Variants in HECA observed in about 807,000 individuals in gnomAD.
HECA encodes headcase protein homolog.
A neutral mutation model predicts 37.6 loss-of-function variants in HECA; 13 were observed. The observed-to-expected ratio is 0.35, with a 90% CI of 0.23 to 0.55. The LOEUF is 0.55. Ranked by LOEUF, HECA falls within the 20% of genes least tolerant of loss-of-function variation. HECA has a pLI of 0.90. For missense variants in HECA, 527 were observed against 701.9 expected (o/e 0.75, Z 2.82); for synonymous variants, 307 against 291.5 (o/e 1.05, Z -0.54).
At position 139,153,884 on chromosome 6, in the gene HECA, AG is replaced by A. The variant is rs565966610; in HGVS notation, c.272-12399del. ...CATATAAACTTTTAAATTTTTATTA[AG>A]ATGGACTTCTGAGATGGCAGAGTAA... On this transcript the variant is annotated intron_variant, in intron 1 of 3. Coordinates refer to ENST00000367658, the MANE Select transcript of HECA (RefSeq NM_016217.3). Among the ~76,000 whole-genome samples the A allele has an allele frequency of 6.6e-4, 101 of 152,336 alleles. 2 individuals carry two copies. The South Asian group carries it at 0.02, about 30-fold the overall frequency.
At chr6:139,171,485 A>G (rs1321123356) in intron 2 of HECA, among the ~76,000 whole-genome samples, 4 of 152,244 alleles carry the variant, frequency 2.6e-5, no homozygotes, top group African/African-American at 9.6e-5. Flanking sequence ...TATCATTGCC[A>G]CAAGTGAGGC....
intron 1 of HECA, chr6:139,153,302 G>C (rs1296909168): frequency 2.0e-5 from 3 of 152,078 alleles, no homozygotes; most frequent in African/African-American, 7.2e-5. Context: ...GTTTTCTAAA[G>C]ACTTAAATAG....
intron 2 of HECA, among the ~76,000 whole-genome samples, chr6:139,173,123 C>CA (rs1184059354): frequency 2.0e-5 from 3 of 152,168 alleles, no homozygotes; most frequent in African/African-American, 7.2e-5. Flanking sequence ...GCCCCGAGGC[C>CA]AGAGTAGATG....
At position 139,180,589 on chromosome 6, in the gene HECA, T is replaced by A. The variant is rs140033879; in HGVS notation, c.*3484T>A. The A allele has an allele frequency of 6.5e-6, 1 of 152,752 alleles. No homozygotes were observed. The highest frequency in any genetic ancestry group is 1.9e-4 in the East Asian group (1 of 5,182). 9.5% of individuals were successfully genotyped at this position (152,752 alleles called of 1,614,324 possible). A position where few individuals can be genotyped will look rare whatever the true frequency, so the allele number is the denominator to read the frequency against. The stretch of plus-strand genomic sequence containing the variant: ...GGTAATTGAAAGAAAATATAATGGA[T>A]GGGCTCCATTAAAACCAGCTCAAAA... On this transcript the variant is annotated 3_prime_UTR_variant, in exon 4 of 4. Transcript: ENST00000367658.
At chr6:139,155,069 C>A (rs1163395812) in intron 1 of HECA, among the ~76,000 whole-genome samples, 1 of 152,178 alleles carries the variant, frequency 6.6e-6, no homozygotes, top group Non-Finnish European at 1.5e-5. Context: ...GCGATTTCAT[C>A]ATCAGGCGTA....
intron 1 of HECA, among the ~76,000 whole-genome samples, chr6:139,157,721 T>C (rs1014527331): frequency 6.6e-5 from 10 of 152,116 alleles, no homozygotes; most frequent in Admixed American, 2.0e-4. Context: ...TAGAGGGCTG[T>C]AGAGAGTGGG....
intron 1 of HECA, among the ~76,000 whole-genome samples, chr6:139,143,960 T>C (rs564966929): frequency 6.6e-6 from 1 of 152,100 alleles, no homozygotes; most frequent in East Asian, 1.9e-4. Context: ...TGGCAAAATA[T>C]TGGGTTAAAT....
chr6:139,141,919 A>ATTT (rs11345845), intron 1 of HECA, among the ~76,000 whole-genome samples: 2 of 48,750 alleles, frequency 4.1e-5, no homozygotes, highest in Non-Finnish European at 7.4e-5. Context: ...TGCCCAGCTA[A>ATTT]TTTTTTTTTT....
chr6:139,163,947 A>G (rs1234655485), intron 1 of HECA, among the ~76,000 whole-genome samples: 1 of 152,102 alleles, frequency 6.6e-6, no homozygotes, highest in Non-Finnish European at 1.5e-5. Flanking sequence ...AGTGGTACAC[A>G]GGCACTTCTA....
chr6:139,137,010 C>T (rs1413118809), intron 1 of HECA, among the ~76,000 whole-genome samples: 5 of 152,150 alleles, frequency 3.3e-5, no homozygotes, highest in African/African-American at 1.2e-4. Flanking sequence ...GGCTGAATGT[C>T]GCCTGTTAGA....
Position 139,176,936 on chromosome 6 carries a change from C to T in HECA, c.1468-5C>T, listed in dbSNP as rs747800826. 8.1e-6 allele frequency: 7 copies of T among 868,982 alleles called. No homozygotes were observed. The highest frequency in any genetic ancestry group is 1.3e-5 in the South Asian group (1 of 76,270). 53.8% of individuals were successfully genotyped at this position (868,982 alleles called of 1,614,324 possible). A position where few individuals can be genotyped will look rare whatever the true frequency, so the allele number is the denominator to read the frequency against. ...GTTGTGGCTGATGGTGTCTGTTTCC[C>T]CCAGGCCCGCCTGAACTGTAAGCAC... On this transcript the variant is annotated splice_region_variant and splice_polypyrimidine_tract_variant and intron_variant, in intron 3 of 3. Coordinates refer to ENST00000367658, the MANE Select transcript of HECA (RefSeq NM_016217.3). The surrounding 1 kb of genome is among the most constrained non-coding windows in gnomAD (Gnocchi z 4.5).
intron 1 of HECA, among the ~76,000 whole-genome samples, chr6:139,159,653 A>G (rs980980649): frequency 1.3e-5 from 2 of 152,076 alleles, no homozygotes; most frequent in Non-Finnish European, 2.9e-5. Context: ...CCCTCTCTCT[A>G]TTACTGTGGT....
At chr6:139,163,975 T>C (rs542515226) in intron 1 of HECA, among the ~76,000 whole-genome samples, 1 of 152,178 alleles carries the variant, frequency 6.6e-6, no homozygotes, top group Non-Finnish European at 1.5e-5. Context: ...GGGTCCTAAA[T>C]AGGGCAGCCC....
chr6:139,149,596 C>T (rs1190712897), intron 1 of HECA, among the ~76,000 whole-genome samples: 4 of 152,134 alleles, frequency 2.6e-5, no homozygotes, highest in African/African-American at 9.7e-5. Context: ...CAGTGAATGC[C>T]GGTCTTCCAA....
intron 1 of HECA, among the ~76,000 whole-genome samples, chr6:139,162,952 C>T (rs1489086367): frequency 1.3e-5 from 2 of 152,198 alleles, no homozygotes; most frequent in Non-Finnish European, 2.9e-5. Flanking sequence ...TTTCCCTGCC[C>T]TACAGTTACC....
chr6:139,138,939 A>G (rs896601833), intron 1 of HECA, among the ~76,000 whole-genome samples: 6 of 152,246 alleles, frequency 3.9e-5, no homozygotes, highest in African/African-American at 1.4e-4. Context: ...TTTAGAATCT[A>G]GTTATCAAAA....
intron 1 of HECA, among the ~76,000 whole-genome samples, chr6:139,164,216 CT>C (rs1218978052): frequency 5.3e-5 from 8 of 152,184 alleles, no homozygotes; most frequent in Non-Finnish European, 8.8e-5. Context: ...ACCAGGGGAG[CT>C]TTCTAGAGCA....
intron 1 of HECA, among the ~76,000 whole-genome samples, chr6:139,143,437 A>G (rs1278796874): frequency 6.6e-6 from 1 of 152,192 alleles, no homozygotes; most frequent in Non-Finnish European, 1.5e-5. Flanking sequence ...CACTGCTTTG[A>G]CTCAAAATGA....
chr6:139,161,476 G>T (rs1185537800), intron 1 of HECA, among the ~76,000 whole-genome samples: 1 of 152,098 alleles, frequency 6.6e-6, no homozygotes, highest in African/African-American at 2.4e-5. Context: ...CAGGGATGGG[G>T]CACAGCTGTG....
Sources: gnomAD v4.1 joint callset for allele counts (sites outside exome capture counted in the v4.1 genomes callset) on GRCh38, gnomAD v4.1.1 for gene constraint, Gnocchi (gnomAD v3.1) non-coding constraint, MANE v1.5 for transcripts, NCBI Gene and HGNC (gene_info 2026-07-23, HGNC 2026-07-21) for gene names.